The following CCDC3 variants were observed in gnomAD, a reference collection of about 807,000 sequenced individuals.
The protein encoded by CCDC3 is coiled-coil domain-containing protein 3.
In CCDC3, 24 loss-of-function variants were observed where a neutral mutation model predicts 21.4. That is an observed-to-expected ratio of 1.12 (90% CI 0.81 to 1.58). The LOEUF is 1.58. CCDC3 is among the 40% of genes most tolerant of loss of function. The probability of loss-of-function intolerance (pLI) is 0.00; values close to 1 mark genes in which losing one functional copy is unlikely to be tolerated. For synonymous variants in CCDC3, 186 were observed against 166.0 expected, an observed-to-expected ratio of 1.12 and a Z score of -0.93; for missense variants, 425 against 360.9, an observed-to-expected ratio of 1.18 and a Z score of -1.44.
In CCDC3 at chr10:12,967,445, A is replaced by G. The variant is rs565359187; in HGVS notation, c.549+30893T>C. ...TCCCAATGAGTCAGGAAAATAATAA[A>G]TAATCAACATTAGAAATTTAATAGA... On this transcript the variant is annotated intron_variant, in intron 2 of 2. Transcript: ENST00000378825. Among the ~76,000 whole-genome samples, 10 of 152,360 alleles carry G rather than the reference A, an allele frequency of 6.6e-5. No homozygotes were observed. In the South Asian group the frequency reaches 1.9e-3, roughly 28 times the overall value.
chr10:13,029,771 C>G (rs146291357), intron 5 of CCDC3, among the ~76,000 whole-genome samples: 4,396 of 151,834 alleles, frequency 0.029, 131 homozygotes, highest in Admixed American at 0.11. Flanking sequence ...TCAAACGAAG[C>G]GAGAAGAGAA....
chr10:13,028,052 G>T (rs1355944824), intron 5 of CCDC3, among the ~76,000 whole-genome samples: 6 of 152,138 alleles, frequency 3.9e-5, no homozygotes, highest in Non-Finnish European at 4.4e-5. Context: ...ACAATATATA[G>T]TTTATTAATG....
chr10:12,925,027 G>A (rs1834513255), intron 2 of CCDC3, among the ~76,000 whole-genome samples: 1 of 152,206 alleles, frequency 6.6e-6, no homozygotes, highest in African/African-American at 2.4e-5. Flanking sequence ...GATTTAACCT[G>A]AAGTTCCAGA....
At chr10:12,978,452 A>C (rs1323963021) in intron 2 of CCDC3, among the ~76,000 whole-genome samples, 1 of 152,220 alleles carries the variant, frequency 6.6e-6, no homozygotes, top group African/African-American at 2.4e-5. Context: ...ATCCGATGGA[A>C]TCGGCTTTGA....
intron 5 of CCDC3, among the ~76,000 whole-genome samples, chr10:13,047,040 A>C (rs1482190509): frequency 6.6e-6 from 1 of 152,084 alleles, no homozygotes; most frequent in African/African-American, 2.4e-5. Context: ...GTAAGATGAG[A>C]GAGGGTGAGG....
chr10:12,977,304 GGGAAA>G (rs374007338), intron 2 of CCDC3, among the ~76,000 whole-genome samples: 4 of 151,394 alleles, frequency 2.6e-5, no homozygotes, highest in East Asian at 3.9e-4. Flanking sequence ...GAAAGGAAAG[GGGAAA>G]GGAAAGGAAA....
At chr10:12,910,069 C>T (rs1834242367) in intron 2 of CCDC3, among the ~76,000 whole-genome samples, 1 of 152,210 alleles carries the variant, frequency 6.6e-6, no homozygotes, top group Non-Finnish European at 1.5e-5. Context: ...GATGACTTGT[C>T]CACACAGCCA....
intron 5 of CCDC3, among the ~76,000 whole-genome samples, chr10:13,046,599 C>G (rs1392388151): frequency 1.3e-5 from 2 of 151,138 alleles, no homozygotes; most frequent in African/African-American, 2.4e-5. Context: ...CCCAGCTACT[C>G]AGGAGGCTGA....
intron 5 of CCDC3, among the ~76,000 whole-genome samples, chr10:13,036,236 G>A (rs1419855994): frequency 2.0e-5 from 3 of 152,084 alleles, no homozygotes; most frequent in Non-Finnish European, 4.4e-5. Flanking sequence ...ATTGTGTTGG[G>A]GGATAAGAGA....
At chr10:12,909,785 T>G (rs1165197403) in intron 2 of CCDC3, among the ~76,000 whole-genome samples, 1 of 152,144 alleles carries the variant, frequency 6.6e-6, no homozygotes, top group Non-Finnish European at 1.5e-5. Context: ...TCCCCACTGG[T>G]GCTATCCACC....
At chr10:12,948,996 G>A (rs918002335) in intron 2 of CCDC3, among the ~76,000 whole-genome samples, 1 of 152,036 alleles carries the variant, frequency 6.6e-6, no homozygotes, top group African/African-American at 2.4e-5. Context: ...CTCCCAAAGT[G>A]CTGGGAGGCA....
At chr10:12,966,678 T>A (rs1005798060) in intron 2 of CCDC3, among the ~76,000 whole-genome samples, 1 of 152,150 alleles carries the variant, frequency 6.6e-6, no homozygotes, top group Non-Finnish European at 1.5e-5. Context: ...TTGGGAATCA[T>A]CCCTCTTGCC....
chr10:13,042,380 G>A (rs1836468064), intron 5 of CCDC3, among the ~76,000 whole-genome samples: 1 of 152,230 alleles, frequency 6.6e-6, no homozygotes, highest in African/African-American at 2.4e-5. Context: ...GAATGAGTCA[G>A]GGAATGAGGG....
chr10:12,939,575 G>A (rs1010689379), intron 2 of CCDC3, among the ~76,000 whole-genome samples: 1 of 152,228 alleles, frequency 6.6e-6, no homozygotes, highest in Non-Finnish European at 1.5e-5. Context: ...AGAGCCAGAT[G>A]CTGTCTCAAG....
intron 2 of CCDC3, among the ~76,000 whole-genome samples, chr10:12,959,217 G>C (rs1359679647): frequency 6.6e-6 from 1 of 151,008 alleles, no homozygotes; most frequent in Non-Finnish European, 1.5e-5. Context: ...CCCCAGGCTG[G>C]AGTGTAGTGA....
At chr10:12,957,615 T>C (rs55956706) in intron 2 of CCDC3, among the ~76,000 whole-genome samples, 78,319 of 151,998 alleles carry the variant, frequency 0.52, 22,768 homozygotes, top group Non-Finnish European at 0.65. Context: ...ATTCCCTTGG[T>C]GCCGTCCTCA....
At chr10:13,048,894 G>A (rs1441331518) in intron 5 of CCDC3, among the ~76,000 whole-genome samples, 1 of 152,172 alleles carries the variant, frequency 6.6e-6, no homozygotes, top group African/African-American at 2.4e-5. Flanking sequence ...GAGCCACGTG[G>A]TCTTTTTTTT....
chr10:12,992,209 G>A (rs887419902), intron 2 of CCDC3, among the ~76,000 whole-genome samples: 1 of 152,112 alleles, frequency 6.6e-6, no homozygotes, highest in Admixed American at 6.6e-5. Flanking sequence ...GGCCAACATG[G>A]TGAAACACCA....
intron 2 of CCDC3, among the ~76,000 whole-genome samples, chr10:12,926,281 A>G (rs1464625539): frequency 6.6e-6 from 1 of 152,218 alleles, no homozygotes; most frequent in African/African-American, 2.4e-5. Context: ...TCATCAACTC[A>G]GCTTAAGAAA....
Sources: gnomAD v4.1 joint callset for allele counts (sites outside exome capture counted in the v4.1 genomes callset) on GRCh38, gnomAD v4.1.1 for gene constraint, MANE v1.5 for transcripts, NCBI Gene and HGNC (gene_info 2026-07-23, HGNC 2026-07-21) for gene names.